ADAM19: variants seen among roughly 807,000 people sequenced by gnomAD.
ADAM19 encodes the protein ADAM metallopeptidase domain 19.
In ADAM19, 65 loss-of-function variants were observed where a neutral mutation model predicts 114.7. That is an observed-to-expected ratio of 0.57 (90% CI 0.46 to 0.70). The LOEUF (loss-of-function observed/expected upper bound fraction) is 0.70. Ranked by LOEUF, ADAM19 falls within the 30% of genes least tolerant of loss-of-function variation. The pLI, the probability that ADAM19 is intolerant of heterozygous loss-of-function variation, is 0.00. For missense variants in ADAM19, 1,063 were observed against 1,204.7 expected (o/e 0.88, Z 1.74); for synonymous variants, 466 against 460.5 (o/e 1.01, Z -0.15).
rs11466808 is a variant in ADAM19, at chr5:157,487,907, C to A, written c.2550+358G>T. ...AGATCTGAGGATGAGCAGGAGGTGG[C>A]CCCACCAAGGAGAGAAGGAGCGTAT... On this transcript the variant is annotated intron_variant, in intron 21 of 22. Transcript: ENST00000257527. Among the ~76,000 whole-genome samples, 1,175 of 152,180 alleles carry A rather than the reference C, an allele frequency of 7.7e-3. 9 individuals are homozygous for A. Among genetic ancestry groups the A allele is most frequent in the Non-Finnish European group, 8.8e-3 (597 of 68,018 alleles).
chr5:157,518,021 A>G (rs556307313), intron 7 of ADAM19, among the ~76,000 whole-genome samples: 1 of 152,338 alleles, frequency 6.6e-6, no homozygotes, highest in South Asian at 2.1e-4. Flanking sequence ...TCTGGGGACC[A>G]CATTTTGGGG....
At chr5:157,505,367 T>C (rs1755708796) in intron 11 of ADAM19, among the ~76,000 whole-genome samples, 1 of 152,042 alleles carries the variant, frequency 6.6e-6, no homozygotes, top group East Asian at 1.9e-4. Context: ...TGTGTCCTCA[T>C]AAAAAATTCA....
At chr5:157,574,362 GAC>G (rs913304634) in intron 1 of ADAM19, among the ~76,000 whole-genome samples, 2 of 152,174 alleles carry the variant, frequency 1.3e-5, no homozygotes, top group African/African-American at 4.8e-5. Context: ...ACTAAGCACT[GAC>G]ACAGGCCTGG....
At chr5:157,539,007 T>A (rs6874797) in intron 3 of ADAM19, among the ~76,000 whole-genome samples, 32,039 of 151,450 alleles carry the variant, frequency 0.21, 3,723 homozygotes, top group African/African-American at 0.31. Flanking sequence ...TCTACTAAAA[T>A]TACAAAAATT....
At chr5:157,482,987 A>G (rs1426930846) in intron 21 of ADAM19, among the ~76,000 whole-genome samples, 1 of 152,150 alleles carries the variant, frequency 6.6e-6, no homozygotes, top group Admixed American at 6.5e-5. Flanking sequence ...GTTCTCACTC[A>G]TAAGTGGGAG....
chr5:157,480,819 T>G lies in ADAM19; in HGVS notation c.*130A>C. ...GAGTCAACAGGGAGATTTTTGGAGA[T>G]GTGGAGGTTCCTGGAGGAGGGTGGG... On this transcript the variant is annotated 3_prime_UTR_variant, in exon 23 of 23. Coordinates refer to ENST00000257527, the MANE Select transcript of ADAM19 (RefSeq NM_033274.5). 6.6e-7 allele frequency: 1 copy of G among 1,504,668 alleles called. No individual in the cohort carries two copies. Among genetic ancestry groups the G allele is most frequent in the East Asian group, 2.3e-5 (1 of 42,564 alleles). 93.2% of individuals were successfully genotyped at this position (1,504,668 alleles called of 1,614,324 possible). A position where few individuals can be genotyped will look rare whatever the true frequency, so the allele number is the denominator to read the frequency against.
At chr5:157,503,292 T>C (rs1755627425) in intron 11 of ADAM19, among the ~76,000 whole-genome samples, 1 of 151,978 alleles carries the variant, frequency 6.6e-6, no homozygotes, top group African/African-American at 2.4e-5. Context: ...AACTGAACAA[T>C]GAGAACACTT....
rs1169413994 is a variant in ADAM19 at position 157,505,758 on chromosome 5, C to T, written c.1041G>A (p.Met347Ile). 6.2e-7 allele frequency: 1 copy of T among 1,614,118 alleles called. No homozygotes were observed. The highest frequency in any genetic ancestry group is 8.5e-7 in the Non-Finnish European group (1 of 1,179,998). The stretch of plus-strand genomic sequence containing the variant: ...CATGGGTCATGCCAAAGTTGTGGCC[C>T]ATCTCGTGGGCCATGGTGGCAGCCA... The part of the protein sequence containing the change: ...IGVAATMAHE[M>I]GHNFGMTHDS... Residue 347 changes from methionine (M) to isoleucine (I), a missense_variant, in exon 11 of 23, where the codon ATG (methionine) becomes ATA (isoleucine). Met to Ile is a conservative substitution (Grantham distance 10). Around this residue, in one of 3 missense-constraint regions of ADAM19, gnomAD observed 615 missense variants for 706.3 expected, o/e 0.87. Transcript: ENST00000257527.
chr5:157,512,810 C>CA, intron 8 of ADAM19, among the ~76,000 whole-genome samples: 1 of 152,352 alleles, frequency 6.6e-6, no homozygotes, highest in South Asian at 2.1e-4. Context: ...ACCCACTTCT[C>CA]AGACAATCCG....
intron 3 of ADAM19, among the ~76,000 whole-genome samples, chr5:157,551,975 C>T (rs1170089963): frequency 1.3e-5 from 2 of 152,146 alleles, no homozygotes; most frequent in South Asian, 2.1e-4. Flanking sequence ...AACTTCATCT[C>T]TACTAAAAAT....
Position 157,505,774 on chromosome 5 carries a change from G to T in ADAM19, c.1025C>A (p.Thr342Asn). ...GTTGTGGCCCATCTCGTGGGCCATG[G>T]TGGCAGCCACGCCAATGGCATTCTC... ...HSENAIGVAA[T>N]MAHEMGHNFG... Residue 342 changes from threonine (T) to asparagine (N), a missense_variant, in exon 11 of 23, where the codon ACC becomes AAC. This residue lies in a region of ADAM19 where 615 missense variants were observed against 706.3 expected (regional missense o/e 0.87). Coordinates refer to ENST00000257527, the MANE Select transcript of ADAM19 (RefSeq NM_033274.5). 1.2e-6 allele frequency: 2 copies of T among 1,614,034 alleles called. No homozygotes were observed. The highest frequency in any genetic ancestry group is 1.7e-6 in the Non-Finnish European group (2 of 1,179,946).
chr5:157,498,165 C>A (rs1052825757), intron 13 of ADAM19, among the ~76,000 whole-genome samples: 2 of 152,104 alleles, frequency 1.3e-5, no homozygotes, highest in Non-Finnish European at 2.9e-5. Context: ...CTCCCACCCA[C>A]AGGGTCCTTC....
chr5:157,574,886 G>C (rs1757931029), intron 1 of ADAM19, among the ~76,000 whole-genome samples: 1 of 152,210 alleles, frequency 6.6e-6, no homozygotes, highest in South Asian at 2.1e-4. Flanking sequence ...CGTCGGGTTG[G>C]CGTGGAAAGA....
intron 13 of ADAM19, among the ~76,000 whole-genome samples, chr5:157,497,590 C>CACAT (rs1554079234): frequency 6.6e-6 from 1 of 151,358 alleles, no homozygotes; most frequent in Non-Finnish European, 1.5e-5. Flanking sequence ...CACACACACA[C>CACAT]ACACACACAA....
chr5:157,479,443 AG>A lies in ADAM19; in HGVS notation c.*1505del, dbSNP rs1754683427. 4 of 985,888 alleles carry A rather than the reference AG, an allele frequency of 4.1e-6. No individual in the cohort carries two copies. In the Admixed American group the frequency reaches 1.8e-4, roughly 45 times the overall value. The allele number at this position is 985,888 out of a possible 1,614,324, so 61.1% of individuals were successfully genotyped here. The stretch of plus-strand genomic sequence containing the variant: ...GCCTCAGAGGAGTGAGAGTCAGGCC[AG>A]CTCCTGTCCGGAGAGCCACCCAGCA... On this transcript the variant is annotated 3_prime_UTR_variant, in exon 23 of 23. Coordinates refer to ENST00000257527, the MANE Select transcript of ADAM19 (RefSeq NM_033274.5).
chr5:157,489,325 C>G, intron 19 of ADAM19, 139 bp from the exon 20 acceptor site: 1 of 653,710 alleles, frequency 1.5e-6, no homozygotes, highest in Non-Finnish European at 2.8e-6. Flanking sequence ...TGGGATTGGT[C>G]TTCTCGAACC....
intron 3 of ADAM19, among the ~76,000 whole-genome samples, chr5:157,539,864 T>C (rs1756869744): frequency 6.6e-6 from 1 of 152,260 alleles, no homozygotes; most frequent in South Asian, 2.1e-4. Context: ...TTAACATTTG[T>C]TCAATGAGAA....
chr5:157,532,654 T>C (rs1006581334), intron 4 of ADAM19, among the ~76,000 whole-genome samples: 6 of 152,158 alleles, frequency 3.9e-5, no homozygotes, highest in South Asian at 2.1e-4. Context: ...GTTGCAGACA[T>C]GGAAGCTTTC....
chr5:157,560,386 T>G (rs564490154), intron 3 of ADAM19, among the ~76,000 whole-genome samples: 8 of 152,152 alleles, frequency 5.3e-5, no homozygotes, highest in Non-Finnish European at 8.8e-5. Flanking sequence ...CTGGCTGGCT[T>G]TTTGACCAAT....
Sources: gnomAD v4.1 joint callset for allele counts (sites outside exome capture counted in the v4.1 genomes callset) on GRCh38, gnomAD v4.1.1 for gene constraint, gnomAD v4.1.1 regional missense constraint, MANE v1.5 for transcripts, NCBI Gene and HGNC (gene_info 2026-07-23, HGNC 2026-07-21) for gene names.